Variants in DSCAML1 observed in about 807,000 individuals in gnomAD.
The protein encoded by DSCAML1 is DS cell adhesion molecule like 1, also known as cell adhesion molecule DSCAML1.
Under a neutral mutation model 200.5 loss-of-function variants are expected in DSCAML1, and 38 were observed. That is an observed-to-expected ratio of 0.19 (90% CI 0.15 to 0.25). The LOEUF (loss-of-function observed/expected upper bound fraction) is 0.25, where lower values mean the gene tolerates loss of function less well. Among genes scored for constraint, DSCAML1 ranks in the 10% least tolerant of loss-of-function variants. The pLI is 1.00. For synonymous variants in DSCAML1, 1,215 were observed against 1,165.0 expected, an observed-to-expected ratio of 1.04 and a Z score of -0.87; for missense variants, 2,223 against 2,858.8, an observed-to-expected ratio of 0.78 and a Z score of 5.07.
At chr11:117,721,812 T>TA (rs1491210661) in intron 3 of DSCAML1, among the ~76,000 whole-genome samples, 12,736 of 120,628 alleles carry the variant, frequency 0.11, 963 homozygotes, top group African/African-American at 0.21. Context: ...TATATATATA[T>TA]TTTTTTTTTT....
chr11:117,749,603 G>C (rs966700546), intron 3 of DSCAML1, among the ~76,000 whole-genome samples: 1 of 152,240 alleles, frequency 6.6e-6, no homozygotes, highest in Non-Finnish European at 1.5e-5. Context: ...CATCTGCTGG[G>C]AAGGAGGCAG....
At chr11:117,549,000 T>C (rs2050426610) in intron 3 of DSCAML1, among the ~76,000 whole-genome samples, 1 of 152,188 alleles carries the variant, frequency 6.6e-6, no homozygotes, top group Admixed American at 6.5e-5. Context: ...GGGATGTGGC[T>C]AAAAGGGACA....
At chr11:117,774,595 C>T (rs1238603349) in intron 3 of DSCAML1, among the ~76,000 whole-genome samples, 1 of 152,158 alleles carries the variant, frequency 6.6e-6, no homozygotes, top group Non-Finnish European at 1.5e-5. Flanking sequence ...CTCTTAATCA[C>T]CACACTGCAC....
intron 3 of DSCAML1, among the ~76,000 whole-genome samples, chr11:117,762,918 CTG>C (rs1311138340): frequency 2.1e-5 from 3 of 143,550 alleles, no homozygotes; most frequent in Non-Finnish European, 4.6e-5. Context: ...ATATATGAAA[CTG>C]TGCTGTAAAC....
intron 17 of DSCAML1, among the ~76,000 whole-genome samples, chr11:117,462,692 A>G (rs1033877728): frequency 6.6e-6 from 1 of 152,246 alleles, no homozygotes; most frequent in Non-Finnish European, 1.5e-5. Flanking sequence ...GTAATAAACT[A>G]ATACAGATCG....
intron 20 of DSCAML1, among the ~76,000 whole-genome samples, chr11:117,449,457 A>C (rs1373131103): frequency 6.6e-6 from 1 of 152,054 alleles, no homozygotes; most frequent in Non-Finnish European, 1.5e-5. Context: ...CTCAGAGGGT[A>C]ATTCAGAAAG....
At chr11:117,669,367 C>A (rs1470273655) in intron 3 of DSCAML1, among the ~76,000 whole-genome samples, 1 of 152,220 alleles carries the variant, frequency 6.6e-6, no homozygotes, top group East Asian at 1.9e-4. Context: ...AGTGGTGGCA[C>A]CTTGCCTTGG....
intron 3 of DSCAML1, among the ~76,000 whole-genome samples, chr11:117,650,533 C>T (rs1198553207): frequency 1.3e-5 from 2 of 152,188 alleles, no homozygotes; most frequent in Non-Finnish European, 2.9e-5. Context: ...CACACGCAGC[C>T]TCGTGCAAAG....
At chr11:117,623,684 T>A (rs1032301658) in intron 3 of DSCAML1, among the ~76,000 whole-genome samples, 12 of 152,212 alleles carry the variant, frequency 7.9e-5, no homozygotes, top group African/African-American at 2.9e-4. Flanking sequence ...CTACACCTCA[T>A]CATATGGTTA....
intron 1 of DSCAML1, among the ~76,000 whole-genome samples, chr11:117,792,055 CTTAT>C (rs1279381268): frequency 6.6e-6 from 1 of 152,214 alleles, no homozygotes; most frequent in African/African-American, 2.4e-5. Context: ...TGCAACCTTT[CTTAT>C]TTTTCATTCT....
intron 29 of DSCAML1, 75 bp from the exon 30 acceptor site, chr11:117,432,579 C>G: frequency 2.7e-6 from 4 of 1,477,878 alleles, no homozygotes; most frequent in Non-Finnish European, 3.7e-6. Flanking sequence ...GACTGAATTT[C>G]TCTTTGTCTT....
intron 3 of DSCAML1, among the ~76,000 whole-genome samples, chr11:117,645,897 T>G (rs897615795): frequency 1.3e-5 from 2 of 151,822 alleles, no homozygotes; most frequent in African/African-American, 4.8e-5. Flanking sequence ...ACTTAAAGTA[T>G]AATAATAAAT....
At chr11:117,569,967 A>C (rs1448383674) in intron 3 of DSCAML1, among the ~76,000 whole-genome samples, 1 of 152,224 alleles carries the variant, frequency 6.6e-6, no homozygotes, top group Non-Finnish European at 1.5e-5. Context: ...CTTGTATAAG[A>C]TTAAGTCATT....
chr11:117,661,821 T>C (rs1030491324), intron 3 of DSCAML1, among the ~76,000 whole-genome samples: 2 of 152,186 alleles, frequency 1.3e-5, no homozygotes, highest in African/African-American at 2.4e-5. Context: ...TGGTGACTAA[T>C]AGAGTCATAG....
chr11:117,528,939 C>CG (rs2050026588), intron 4 of DSCAML1, among the ~76,000 whole-genome samples: 1 of 151,380 alleles, frequency 6.6e-6, no homozygotes, highest in African/African-American at 2.4e-5. Context: ...CCCGCCCCCC[C>CG]CCTTGGGAAT....
At chr11:117,579,076 T>A (rs2050999688) in intron 3 of DSCAML1, among the ~76,000 whole-genome samples, 1 of 152,122 alleles carries the variant, frequency 6.6e-6, no homozygotes, top group Non-Finnish European at 1.5e-5. Flanking sequence ...TCCAAATATA[T>A]CCCAGACTCA....
chr11:117,786,444 C>T (rs2055353311), intron 1 of DSCAML1, among the ~76,000 whole-genome samples: 1 of 152,212 alleles, frequency 6.6e-6, no homozygotes, highest in African/African-American at 2.4e-5. Context: ...GGCTGCCTGC[C>T]CCCAGGGTCA....
At chr11:117,473,416 G>C (rs2048726169) in intron 14 of DSCAML1, among the ~76,000 whole-genome samples, 1 of 152,158 alleles carries the variant, frequency 6.6e-6, no homozygotes. Flanking sequence ...AGAATTGCTT[G>C]AACCCGGGAG....
At chr11:117,804,319 C>T (rs1350852465) in intron 1 of DSCAML1, among the ~76,000 whole-genome samples, 6 of 152,350 alleles carry the variant, frequency 3.9e-5, no homozygotes, top group African/African-American at 1.2e-4. Flanking sequence ...CTTTCTACAC[C>T]GACCCAACAG....
Sources: gnomAD v4.1 joint callset for allele counts (sites outside exome capture counted in the v4.1 genomes callset) on GRCh38, gnomAD v4.1.1 for gene constraint, MANE v1.5 for transcripts, NCBI Gene and HGNC (gene_info 2026-07-23, HGNC 2026-07-21) for gene names.